The following KALRN variants were observed in gnomAD, a reference collection of about 807,000 sequenced individuals.
The protein encoded by KALRN is kalirin.
Under a neutral mutation model 353.7 loss-of-function variants are expected in KALRN, and 70 were observed. The ratio of observed to expected loss-of-function variants is 0.20; its 90% CI spans 0.16 to 0.24. The LOEUF (loss-of-function observed/expected upper bound fraction) is 0.24, where lower values mean the gene tolerates loss of function less well. Ranked by LOEUF, KALRN falls within the 10% of genes least tolerant of loss-of-function variation. The pLI, the probability that KALRN is intolerant of heterozygous loss-of-function variation, is 1.00. For missense variants in KALRN, 2,791 were observed against 3,756.7 expected (o/e 0.74, Z 6.72); for synonymous variants, 1,391 against 1,434.8 (o/e 0.97, Z 0.69).
rs774580265 is a variant in KALRN, at chr3:124,674,478, G to A, written c.7057G>A (p.Val2353Ile). The change falls in exon 49 of 60, where the codon GTC becomes ATC. Residue 2353 changes from valine to isoleucine, a missense_variant. Val to Ile is a conservative substitution (Grantham distance 29). This residue lies in a region of KALRN where 1,065 missense variants were observed against 1,156.4 expected (regional missense o/e 0.92). Transcript: ENST00000682506. ...SQGEVVQVLA[V>I]NQQNMCLVYQ... ...AGGTGAGGTGGTCCAGGTCCTCGCCGTCAACCAGCAGAACATGTGTCTGGT... is the reference window on the plus strand; with the variant it reads ...AGGTGAGGTGGTCCAGGTCCTCGCCATCAACCAGCAGAACATGTGTCTGGT... 9.0e-5 allele frequency: 146 copies of A among 1,613,908 alleles called. No individual in the cohort carries two copies. Among genetic ancestry groups the A allele is most frequent in the Non-Finnish European group, 1.2e-4 (142 of 1,180,004 alleles).
chr3:124,095,395 T>C (rs1297285422), intron 1 of KALRN, among the ~76,000 whole-genome samples: 1 of 152,202 alleles, frequency 6.6e-6, no homozygotes, highest in Non-Finnish European at 1.5e-5. Context: ...GTAAGACCTA[T>C]GTGCTGAGGT....
chr3:124,550,335 G>C (rs2070324163), intron 33 of KALRN, among the ~76,000 whole-genome samples: 1 of 152,170 alleles, frequency 6.6e-6, no homozygotes, highest in African/African-American at 2.4e-5. Context: ...GTAAGGGAAA[G>C]AGAATCTGCA....
At chr3:124,337,236 G>A (rs764607122) in intron 9 of KALRN, among the ~76,000 whole-genome samples, 3 of 152,136 alleles carry the variant, frequency 2.0e-5, no homozygotes, top group African/African-American at 7.2e-5. Flanking sequence ...GTCTTGTGCC[G>A]ATTTTCAACG....
intron 1 of KALRN, among the ~76,000 whole-genome samples, chr3:124,146,886 A>AAAAAAAAAG (rs2067418158): frequency 6.6e-6 from 1 of 150,648 alleles, no homozygotes; most frequent in African/African-American, 2.4e-5. Context: ...AAAAAAAAAA[A>AAAAAAAAAG]AAAAAAAAGA....
intron 1 of KALRN, among the ~76,000 whole-genome samples, chr3:124,188,149 A>T (rs2074447589): frequency 6.6e-6 from 1 of 152,214 alleles, no homozygotes; most frequent in Non-Finnish European, 1.5e-5. Flanking sequence ...CAGCATTTAG[A>T]ACAAACTTAA....
At chr3:124,351,143 C>G (rs78306716) in intron 10 of KALRN, among the ~76,000 whole-genome samples, 10,323 of 152,214 alleles carry the variant, frequency 0.068, 499 homozygotes, top group Non-Finnish European at 0.097. Context: ...AAGGGTTCTT[C>G]TTTCTCTCTT....
chr3:124,438,744 C>T (rs1215272350), intron 17 of KALRN, 144 bp from the exon 18 acceptor site: 1 of 617,202 alleles, frequency 1.6e-6, no homozygotes, highest in African/African-American at 1.8e-5. Flanking sequence ...CTGTCACTGC[C>T]TCCTGGATTT....
At chr3:124,698,506 G>A (rs1247391835) in intron 55 of KALRN, among the ~76,000 whole-genome samples, 1 of 152,166 alleles carries the variant, frequency 6.6e-6, no homozygotes, top group Non-Finnish European at 1.5e-5. Context: ...AGGTTTCAAG[G>A]TGTCTTCATG....
At chr3:124,706,965 A>G (rs2062648841) in intron 57 of KALRN, among the ~76,000 whole-genome samples, 1 of 152,148 alleles carries the variant, frequency 6.6e-6, no homozygotes, top group South Asian at 2.1e-4. Context: ...TCTCCCACTG[A>G]TTACAACCAG....
At chr3:124,277,273 G>C (rs2074845147) in intron 5 of KALRN, among the ~76,000 whole-genome samples, 1 of 152,202 alleles carries the variant, frequency 6.6e-6, no homozygotes, top group Non-Finnish European at 1.5e-5. Flanking sequence ...CCTTTACGGG[G>C]TGGTTGTAAT....
intron 34 of KALRN, among the ~76,000 whole-genome samples, chr3:124,602,268 G>C (rs181986413): frequency 1.2e-3 from 179 of 152,216 alleles, no homozygotes; most frequent in African/African-American, 4.0e-3. Context: ...ACTTTCCTTG[G>C]TGCTGTCTAC....
chr3:124,716,803 C>T (rs1263893511), intron 58 of KALRN, among the ~76,000 whole-genome samples: 1 of 152,178 alleles, frequency 6.6e-6, no homozygotes, highest in Non-Finnish European at 1.5e-5. Flanking sequence ...GAGACTTCAT[C>T]TCTAAAATTA....
intron 1 of KALRN, among the ~76,000 whole-genome samples, chr3:124,133,592 T>A (rs1330678434): frequency 6.6e-6 from 1 of 152,220 alleles, no homozygotes; most frequent in Non-Finnish European, 1.5e-5. Context: ...GCAGACCCAC[T>A]CCTGTGCCTT....
intron 12 of KALRN, chr3:124,395,565 G>A: frequency 3.8e-6 from 2 of 524,524 alleles, no homozygotes; most frequent in Non-Finnish European, 6.8e-6. Flanking sequence ...TTATCATTCA[G>A]GATGTTATTC....
intron 1 of KALRN, among the ~76,000 whole-genome samples, chr3:124,124,216 T>G (rs2064363801): frequency 6.6e-6 from 1 of 152,216 alleles, no homozygotes; most frequent in South Asian, 2.1e-4. Context: ...AATGGGAGTT[T>G]GGAAGAAGTT....
intron 1 of KALRN, chr3:124,080,093 G>A (rs1397219880): frequency 2.1e-6 from 1 of 470,912 alleles, no homozygotes; most frequent in Non-Finnish European, 4.4e-6. Flanking sequence ...ACAAGATCAG[G>A]TTAGTGAACT....
chr3:124,439,200 T>TTACACACACACACACACACACACA lies in KALRN; in HGVS notation c.3198+163_3198+164insTACACACACACACACACACACACA, dbSNP rs1395318707. ...TCCTTCTTCTCCTTCTCTCTCTCTC[T>TTACACACACACACACACACACACA]CACACACACACACACACACACACAC... On this transcript the variant is annotated intron_variant, in intron 18 of 59. Coordinates refer to ENST00000682506, the MANE Select transcript of KALRN (RefSeq NM_001388419.1). 7.1e-4 allele frequency among the ~76,000 whole-genome samples: 70 copies of TTACACACACACACACACACACACA among 98,960 alleles called. 1 individual carries two copies. The highest frequency in any genetic ancestry group is 2.3e-3 in the African/African-American group (66 of 28,424). 64.9% of individuals were successfully genotyped at this position (98,960 alleles called of 152,430 possible).
chr3:124,245,689 G>GTT (rs1193188567), intron 3 of KALRN, among the ~76,000 whole-genome samples: 4 of 147,348 alleles, frequency 2.7e-5, no homozygotes, highest in Admixed American at 6.8e-5. Context: ...GTTGTTTTTT[G>GTT]TTTTTTTTTA....
At chr3:124,071,930 T>C (rs1424191670) in intron 1 of KALRN, among the ~76,000 whole-genome samples, 1 of 152,216 alleles carries the variant, frequency 6.6e-6, no homozygotes, top group African/African-American at 2.4e-5. Context: ...GTCTTCTCTG[T>C]TAGAATTTCC....
Sources: gnomAD v4.1 joint callset for allele counts (sites outside exome capture counted in the v4.1 genomes callset) on GRCh38, gnomAD v4.1.1 for gene constraint, gnomAD v4.1.1 regional missense constraint, MANE v1.5 for transcripts, NCBI Gene and HGNC (gene_info 2026-07-23, HGNC 2026-07-21) for gene names.